CCSER1: variants seen among roughly 807,000 people sequenced by gnomAD.
The protein encoded by CCSER1 is coiled-coil serine rich protein 1.
Under a neutral mutation model 82.0 loss-of-function variants are expected in CCSER1, and 41 were observed. That is an observed-to-expected ratio of 0.50 (90% CI 0.39 to 0.65). The LOEUF (loss-of-function observed/expected upper bound fraction) is 0.65. Among genes scored for constraint, CCSER1 ranks in the 30% least tolerant of loss-of-function variants. The pLI is 0.00. For synonymous variants in CCSER1, 414 were observed against 383.9 expected, an observed-to-expected ratio of 1.08 and a Z score of -0.92; for missense variants, 1,119 against 1,064.2, an observed-to-expected ratio of 1.05 and a Z score of -0.72.
At chr4:91,087,321 G>A (rs567715623) in intron 10 of CCSER1, among the ~76,000 whole-genome samples, 22 of 152,080 alleles carry the variant, frequency 1.4e-4, no homozygotes, top group East Asian at 3.9e-4. Flanking sequence ...CTATATATCC[G>A]TACGATGGCA....
intron 9 of CCSER1, among the ~76,000 whole-genome samples, chr4:90,951,553 A>G (rs2279110): frequency 0.31 from 46,432 of 151,952 alleles, 7,223 homozygotes; most frequent in Admixed American, 0.31. Flanking sequence ...TATTTGCAGT[A>G]TATTCTGTAG....
intron 10 of CCSER1, among the ~76,000 whole-genome samples, chr4:91,423,264 T>TAA (rs143322815): frequency 4.3e-5 from 6 of 138,384 alleles, no homozygotes; most frequent in Admixed American, 7.3e-5. Flanking sequence ...CGTCTCTACT[T>TAA]AAAAAAAAAA....
chr4:91,355,468 T>C (rs1748759356), intron 10 of CCSER1, among the ~76,000 whole-genome samples: 1 of 152,134 alleles, frequency 6.6e-6, no homozygotes, highest in African/African-American at 2.4e-5. Flanking sequence ...ATACCTTGGA[T>C]AGAATAGCAT....
chr4:90,199,697 C>T (rs1057400071), intron 1 of CCSER1, among the ~76,000 whole-genome samples: 1 of 152,018 alleles, frequency 6.6e-6, no homozygotes, highest in Non-Finnish European at 1.5e-5. Flanking sequence ...TCTTCAGAAC[C>T]ATGGGATCAT....
chr4:91,018,481 G>A lies in CCSER1; in HGVS notation c.2173-67469G>A, dbSNP rs77008506. ...TACCATAATCCAACTTCCTTAGCAGGCAGAGTCATCTTAGCTAAAATTTAT... is the reference window on the plus strand; with the variant it reads ...TACCATAATCCAACTTCCTTAGCAGACAGAGTCATCTTAGCTAAAATTTAT... On this transcript the variant is annotated intron_variant, in intron 9 of 10. Coordinates refer to ENST00000509176, the MANE Select transcript of CCSER1 (RefSeq NM_001145065.2). Among the ~76,000 whole-genome samples, 471 of 152,146 alleles carry A rather than the reference G, an allele frequency of 3.1e-3. 1 individual carries two copies. Among genetic ancestry groups the A allele is most frequent in the Non-Finnish European group, 4.6e-3 (316 of 67,966 alleles).
intron 3 of CCSER1, among the ~76,000 whole-genome samples, chr4:90,324,114 G>A (rs1455902008): frequency 9.4e-5 from 14 of 149,452 alleles, no homozygotes; most frequent in Admixed American, 2.0e-4. Flanking sequence ...ATTGTGAATA[G>A]TGCCGCAATA....
chr4:90,224,483 A>T (rs1342297597), intron 1 of CCSER1, among the ~76,000 whole-genome samples: 1 of 152,188 alleles, frequency 6.6e-6, no homozygotes, highest in East Asian at 1.9e-4. Context: ...AATATTTTAG[A>T]TAGTTTGTTC....
chr4:90,624,812 G>T (rs1377493486), intron 5 of CCSER1, among the ~76,000 whole-genome samples: 4 of 152,064 alleles, frequency 2.6e-5, no homozygotes, highest in African/African-American at 9.7e-5. Flanking sequence ...TAAAAACTTG[G>T]TTAGCACTCA....
intron 7 of CCSER1, among the ~76,000 whole-genome samples, chr4:90,766,234 G>C (rs1235296760): frequency 1.3e-5 from 2 of 152,084 alleles, no homozygotes; most frequent in Non-Finnish European, 2.9e-5. Context: ...TCCTAGTGCA[G>C]ATGAAAATAT....
At chr4:90,514,957 A>C (rs1578906146) in intron 5 of CCSER1, among the ~76,000 whole-genome samples, 1 of 151,604 alleles carries the variant, frequency 6.6e-6, no homozygotes, top group East Asian at 2.0e-4. Context: ...TCTCAGGTTC[A>C]AGCGATTTTC....
At chr4:91,408,321 A>G (rs995466081) in intron 10 of CCSER1, among the ~76,000 whole-genome samples, 1 of 152,234 alleles carries the variant, frequency 6.6e-6, no homozygotes, top group Non-Finnish European at 1.5e-5. Context: ...CAATTTTCAC[A>G]TAACAGTATA....
At chr4:91,387,684 T>C (rs1250202274) in intron 10 of CCSER1, among the ~76,000 whole-genome samples, 1 of 151,992 alleles carries the variant, frequency 6.6e-6, no homozygotes, top group Non-Finnish European at 1.5e-5. Context: ...CAATGCATGA[T>C]TTAGTAACTT....
intron 6 of CCSER1, among the ~76,000 whole-genome samples, chr4:90,715,893 T>C (rs2149344548): frequency 6.6e-6 from 1 of 152,116 alleles, no homozygotes; most frequent in East Asian, 1.9e-4. Context: ...ATAAGATTAT[T>C]CACTTCAGCT....
intron 10 of CCSER1, among the ~76,000 whole-genome samples, chr4:91,457,211 A>G (rs1219970874): frequency 6.6e-6 from 1 of 152,214 alleles, no homozygotes; most frequent in African/African-American, 2.4e-5. Context: ...TGTAAAGAAC[A>G]TGAGTAAATT....
At chr4:90,228,625 G>T (rs185588780) in intron 1 of CCSER1, among the ~76,000 whole-genome samples, 502 of 152,258 alleles carry the variant, frequency 3.3e-3, no homozygotes, top group Non-Finnish European at 5.8e-3. Context: ...GACGGAGAAT[G>T]ACTTTGACGA....
At chr4:91,586,927 G>A (rs762056898) in intron 10 of CCSER1, among the ~76,000 whole-genome samples, 2 of 151,424 alleles carry the variant, frequency 1.3e-5, no homozygotes, top group Non-Finnish European at 3.0e-5. Flanking sequence ...TATATTTTGT[G>A]GGTATTCCAT....
At chr4:91,380,152 G>T (rs1750767003) in intron 10 of CCSER1, among the ~76,000 whole-genome samples, 1 of 152,132 alleles carries the variant, frequency 6.6e-6, no homozygotes, top group Non-Finnish European at 1.5e-5. Flanking sequence ...TTGCTGAGGA[G>T]TGCTTTACTT....
chr4:90,902,720 C>A (rs6829825), intron 8 of CCSER1, among the ~76,000 whole-genome samples: 4,004 of 152,074 alleles, frequency 0.026, 73 homozygotes, highest in African/African-American at 0.045. Flanking sequence ...CTTCTGGCAG[C>A]AGGTTTTTAA....
chr4:90,813,841 A>G (rs745377716), intron 7 of CCSER1, among the ~76,000 whole-genome samples: 4 of 152,174 alleles, frequency 2.6e-5, no homozygotes, highest in Non-Finnish European at 4.4e-5. Flanking sequence ...CTGTTGGTGG[A>G]TCTATGATTC....
Sources: gnomAD v4.1 joint callset for allele counts (sites outside exome capture counted in the v4.1 genomes callset) on GRCh38, gnomAD v4.1.1 for gene constraint, MANE v1.5 for transcripts, NCBI Gene and HGNC (gene_info 2026-07-23, HGNC 2026-07-21) for gene names.